Variants in SVEP1 observed in about 807,000 individuals in gnomAD.
SVEP1 encodes the protein sushi, von Willebrand factor type A, EGF and pentraxin domain containing 1.
Under a neutral mutation model 367.3 loss-of-function variants are expected in SVEP1, and 164 were observed. That is an observed-to-expected ratio of 0.45 (90% confidence interval 0.39 to 0.51). The LOEUF is 0.51. Ranked by LOEUF, SVEP1 falls within the 20% of genes least tolerant of loss-of-function variation. The pLI is 0.00. For synonymous variants in SVEP1, 1,666 were observed against 1,611.6 expected (o/e 1.03, Z -0.81); for missense variants, 4,117 against 4,425.3 (o/e 0.93, Z 1.98).
chr9:110,408,301 T>C lies in SVEP1; in HGVS notation c.7299A>G (p.Pro2433=), dbSNP rs1827987178. Residue 2433 remains proline (P), a synonymous_variant, in exon 38 of 48, where the codon CCA becomes CCG. Transcript: ENST00000374469. ...GGGGACATTCTACTGGAACACATTC[T>C]GGCAGTGGAGAGCTCCAGGTGCCAT... ...QPDGTWSSPL[P]ECVPVECPQP... is the part of the protein sequence containing the mutation. 2 of 1,613,996 alleles carry C rather than the reference T, an allele frequency of 1.2e-6. No individual in the cohort carries two copies. Among genetic ancestry groups the C allele is most frequent in the East Asian group, 4.5e-5 (2 of 44,878 alleles).
chr9:110,434,665 C>CAAAAAAAAAAAA (rs1828404499), intron 29 of SVEP1, among the ~76,000 whole-genome samples, 159 bp from the exon 30 acceptor site: 1 of 4,726 alleles, frequency 2.1e-4, no homozygotes, highest in African/African-American at 8.1e-4. Context: ...AGCAAAATCA[C>CAAAAAAAAAAAA]TAAAAAAAAA....
intron 3 of SVEP1, among the ~76,000 whole-genome samples, chr9:110,523,156 C>T (rs1179200423): frequency 2.0e-5 from 3 of 152,248 alleles, no homozygotes; most frequent in African/African-American, 7.2e-5. Context: ...TTGAATCCCA[C>T]TATATCCATA....
intron 1 of SVEP1, among the ~76,000 whole-genome samples, chr9:110,560,850 TG>T (rs1830418428): frequency 6.6e-6 from 1 of 152,214 alleles, no homozygotes; most frequent in Admixed American, 6.5e-5. Context: ...AATTTCAGTC[TG>T]GCTTCTTGAA....
Position 110,435,149 on chromosome 9 carries a change from G to C in SVEP1, c.4888+92C>G, listed in dbSNP as rs1319218896. 1.7e-5 allele frequency: 25 copies of C among 1,439,800 alleles called. No individual in the cohort carries two copies. In the East Asian group the frequency reaches 6.0e-4, roughly 35 times the overall value. 89.2% of individuals were successfully genotyped at this position (1,439,800 alleles called of 1,614,324 possible). ...GTAGATTGACAGTCACATACGATTG[G>C]ACCGATAGAGAATTCTGAACTGTCT... On this transcript the variant is annotated intron_variant, in intron 29 of 47. Transcript: ENST00000374469.
At chr9:110,414,759 G>T (rs1412287719) in intron 36 of SVEP1, among the ~76,000 whole-genome samples, 2 of 151,736 alleles carry the variant, frequency 1.3e-5, no homozygotes, top group Non-Finnish European at 1.5e-5. Flanking sequence ...TTCTGTCTTA[G>T]CAAAAAAGCC....
intron 41 of SVEP1, among the ~76,000 whole-genome samples, chr9:110,389,319 A>C (rs1827586852): frequency 6.6e-6 from 1 of 152,148 alleles, no homozygotes; most frequent in African/African-American, 2.4e-5. Context: ...GTCCTATTGC[A>C]GTTAATTGTT....
chr9:110,546,403 C>G, intron 2 of SVEP1, 112 bp from the exon 3 acceptor site: 2 of 1,221,660 alleles, frequency 1.6e-6, no homozygotes, highest in South Asian at 1.5e-5. Context: ...CCATATCCCT[C>G]TAATTCCCAA....
At chr9:110,434,195 T>C in intron 30 of SVEP1, 141 bp downstream of exon 30, 4 of 1,026,138 alleles carry the variant, frequency 3.9e-6, no homozygotes, top group Non-Finnish European at 4.1e-6. Flanking sequence ...GCACAGTTCA[T>C]TAAACAAAGA....
Position 110,574,740 on chromosome 9 carries a change from CTTCT to C in SVEP1, c.531+4269_531+4272del, listed in dbSNP as rs1353770170. Among the ~76,000 whole-genome samples, 92 of 106,340 alleles carry C rather than the reference CTTCT, an allele frequency of 8.7e-4. 5 individuals are homozygous for C. The East Asian group carries it at 0.018, about 21-fold the overall frequency. 69.8% of individuals were successfully genotyped at this position (106,340 alleles called of 152,430 possible). ...TAGACAGGGACTGAGTCCAGTCGAC[CTTCT>C]TTTTTTTTTTTTTTTTTTTTTTGAG... On this transcript the variant is annotated intron_variant, in intron 1 of 47. Coordinates refer to ENST00000374469, the MANE Select transcript of SVEP1 (RefSeq NM_153366.4).
intron 18 of SVEP1, among the ~76,000 whole-genome samples, chr9:110,463,575 AAAGAAAAAGGAAGGAAAGAAAGAAAGG>A (rs145006557): frequency 1.9e-4 from 29 of 151,842 alleles, no homozygotes; most frequent in Non-Finnish European, 3.5e-4. Flanking sequence ...AAGAGAAAAT[AAAGAAAAAGGAAGGAAAGAAAGAAAGG>A]AAGAAAAAGG....
At chr9:110,477,036 T>C (rs919957899) in intron 13 of SVEP1, among the ~76,000 whole-genome samples, 7 of 152,176 alleles carry the variant, frequency 4.6e-5, no homozygotes, top group African/African-American at 7.2e-5. Flanking sequence ...CTGTTATAGT[T>C]CTTGGTGATT....
In SVEP1 at chr9:110,465,894, C is replaced by T; in HGVS notation, c.3293G>A (p.Arg1098Lys). ...SCPENTSTVK[R>K]GAVNISACGV... The stretch of plus-strand genomic sequence containing the variant: ...ACATGCAGAAATGTTCACGGCTCCT[C>T]TTTTCACAGTTGAGGTGTTTTCTGG... Residue 1098 changes from arginine (R) to lysine (K), a missense_variant, in exon 18 of 48, where the codon AGA becomes AAA. Around this residue, in one of 4 missense-constraint regions of SVEP1, gnomAD observed 2,174 missense variants for 2,494.3 expected, o/e 0.87. Coordinates refer to ENST00000374469, the MANE Select transcript of SVEP1 (RefSeq NM_153366.4). 1 of 1,613,144 alleles carries T rather than the reference C, an allele frequency of 6.2e-7. No homozygotes were observed. Among genetic ancestry groups the T allele is most frequent in the South Asian group, 1.1e-5 (1 of 90,812 alleles).
chr9:110,481,359 T>C lies in SVEP1; in HGVS notation c.2248A>G (p.Thr750Ala). The change falls in exon 12 of 48, where the codon ACA (threonine) becomes GCA (alanine). Residue 750 changes from threonine (T) to alanine (A), a missense_variant. Physicochemically the swap from Thr to Ala is moderately conservative, Grantham distance 58. Transcript: ENST00000374469. ...CTPDNTGVNC[T>A]LTCLEGYDFT... Reference sequence around the variant, plus strand: ...TCATAGCCCTCCAAGCAAGTTAATGTACAGTTGACTCCAGTATTATCTGGA... The same window carrying C: ...TCATAGCCCTCCAAGCAAGTTAATGCACAGTTGACTCCAGTATTATCTGGA... 1 of 1,611,238 alleles carries C rather than the reference T, an allele frequency of 6.2e-7. No individual in the cohort carries two copies. Among genetic ancestry groups the C allele is most frequent in the Non-Finnish European group, 8.5e-7 (1 of 1,178,596 alleles).
At chr9:110,476,634 C>A (rs1303790955) in intron 13 of SVEP1, among the ~76,000 whole-genome samples, 2 of 152,142 alleles carry the variant, frequency 1.3e-5, no homozygotes, top group Non-Finnish European at 2.9e-5. Flanking sequence ...CCATCTCCCA[C>A]TCCTCTTCCC....
intron 19 of SVEP1, 94 bp downstream of exon 19, chr9:110,458,858 C>T (rs1342248113): frequency 8.9e-6 from 13 of 1,461,534 alleles, no homozygotes; most frequent in Admixed American, 4.5e-5. Flanking sequence ...CCAAATCCAC[C>T]GAAAATAGTA....
At chr9:110,508,894 C>G (rs535749013) in intron 5 of SVEP1, among the ~76,000 whole-genome samples, 1 of 151,888 alleles carries the variant, frequency 6.6e-6, no homozygotes, top group African/African-American at 2.4e-5. Context: ...TCAACATCCA[C>G]AAAAACATTA....
intron 8 of SVEP1, among the ~76,000 whole-genome samples, chr9:110,491,789 G>A (rs1211064233): frequency 2.6e-5 from 4 of 151,824 alleles, no homozygotes; most frequent in Admixed American, 2.6e-4. Flanking sequence ...TATAACTTAC[G>A]AATCATCAGT....
At chr9:110,387,524 G>A (rs1827544313) in intron 41 of SVEP1, 66 bp from the exon 42 acceptor site, 2 of 1,418,062 alleles carry the variant, frequency 1.4e-6, no homozygotes, top group Admixed American at 2.8e-5. Flanking sequence ...CTTTTCCTAT[G>A]ATTGCCAAAG....
At chr9:110,453,295 T>C (rs1203023893) in intron 22 of SVEP1, among the ~76,000 whole-genome samples, 1 of 152,122 alleles carries the variant, frequency 6.6e-6, no homozygotes, top group East Asian at 1.9e-4. Context: ...CATTACTATT[T>C]ATAAAGTAGT....
Sources: gnomAD v4.1 joint callset for allele counts (sites outside exome capture counted in the v4.1 genomes callset) on GRCh38, gnomAD v4.1.1 for gene constraint, gnomAD v4.1.1 regional missense constraint, MANE v1.5 for transcripts, NCBI Gene and HGNC (gene_info 2026-07-23, HGNC 2026-07-21) for gene names.